The following DNHD1 variants were observed in gnomAD, a reference collection of about 807,000 sequenced individuals.
DNHD1 encodes dynein heavy chain domain 1, also known as dynein heavy chain domain-containing protein 1.
A neutral mutation model predicts 458.1 loss-of-function variants in DNHD1; 383 were observed. The observed-to-expected ratio is 0.84, with a 90% CI of 0.77 to 0.91. The LOEUF is 0.91. Ranked by LOEUF, DNHD1 falls within the 40% of genes least tolerant of loss-of-function variation. DNHD1 has a pLI of 0.00. For missense variants in DNHD1, 5,336 were observed against 5,866.1 expected (o/e 0.91, Z 2.95); for synonymous variants, 2,203 against 2,376.9 (o/e 0.93, Z 2.13).
rs1447831374 is a variant in DNHD1, at chr11:6,563,001, A to G, written c.9539A>G (p.Gln3180Arg). ...CTGCAGAGTCTCAGCATGTTTCAGC[A>G]GCAGCTAGAGCAAAGCAAGCTCCTA... ...DSGKSLSMFQ[Q>R]QLEQSKLLYK... Residue 3180 changes from glutamine (Q) to arginine (R), a missense_variant, in exon 29 of 43, where the codon CAG becomes CGG. By Grantham distance (43) the Gln-to-Arg change is conservative (BLOSUM62 1). Transcript: ENST00000254579. The G allele has an allele frequency of 4.5e-6, 7 of 1,551,588 alleles. No homozygotes were observed. Among genetic ancestry groups the G allele is most frequent in the South Asian group, 1.2e-5 (1 of 84,070 alleles).
chr11:6,570,818 G>T lies in DNHD1; in HGVS notation c.13306G>T (p.Glu4436Ter), dbSNP rs1853828684. ...PESRRGAQLA[E>*]RRLRQRLVQV... ...GTCTCGAAGAGGCGCCCAGCTTGCG[G>T]AAAGGCGACTGCGGCAACGCCTAGT... is the stretch of plus-strand genomic sequence containing the variant. The change falls in exon 42 of 43, where the codon GAA becomes TAA. Residue 4436 changes from glutamate (E) to a stop codon, truncating the protein, a stop_gained. Coordinates refer to ENST00000254579, the MANE Select transcript of DNHD1 (RefSeq NM_144666.3). LOFTEE classifies it high-confidence loss of function. The T allele has an allele frequency of 1.9e-6, 3 of 1,613,872 alleles. No homozygotes were observed. The highest frequency in any genetic ancestry group is 2.5e-6 in the Non-Finnish European group (3 of 1,179,874).
Position 6,505,829 on chromosome 11 carries a change from G to C in DNHD1, c.920+2903G>C, listed in dbSNP as rs1852219997. 6.6e-6 allele frequency among the ~76,000 whole-genome samples: 1 copy of C among 152,220 alleles called. No individual in the cohort carries two copies. Among genetic ancestry groups the C allele is most frequent in the South Asian group, 2.1e-4 (1 of 4,832 alleles). ...TAAATTATCACTTGTGGTTGAATGT[G>C]ATACTGACACCTAGTGGCTGCTACA... On this transcript the variant is annotated intron_variant, in intron 4 of 42. Coordinates refer to ENST00000254579, the MANE Select transcript of DNHD1 (RefSeq NM_144666.3). This position sits in a 1 kb window ranked among gnomAD's most constrained non-coding sequence, Gnocchi z 4.4.
intron 10 of DNHD1, among the ~76,000 whole-genome samples, chr11:6,525,257 A>C (rs937498733): frequency 5.9e-5 from 9 of 152,190 alleles, no homozygotes; most frequent in African/African-American, 2.2e-4. Flanking sequence ...ACTCACTTTT[A>C]CATCTCACCA....
intron 3 of DNHD1, among the ~76,000 whole-genome samples, chr11:6,499,980 T>C (rs1466928494): frequency 1.4e-5 from 2 of 140,594 alleles, no homozygotes; most frequent in Non-Finnish European, 1.6e-5. Flanking sequence ...TTTTTTTTTT[T>C]CTGAAACAGA....
At position 6,528,402 on chromosome 11, in the gene DNHD1, TGG is replaced by T. The variant is rs796435955; in HGVS notation, c.1838-118_1838-117del. 2.2e-4 allele frequency: 254 copies of T among 1,142,654 alleles called. No homozygotes were observed. The African/African-American group carries it at 3.6e-3, about 16-fold the overall frequency. The allele number at this position is 1,142,654 out of a possible 1,614,324, so 70.8% of individuals were successfully genotyped here. A position where few individuals can be genotyped will look rare whatever the true frequency, so the allele number is the denominator to read the frequency against. ...TGTTAACTCACTCATGAGCAGCGAA[TGG>T]GTGTGTGTGTGTGTGTGTGTGTGTG... On this transcript the variant is annotated intron_variant, in intron 10 of 42. Transcript: ENST00000254579.
At chr11:6,524,653 G>A (rs1005843767) in intron 10 of DNHD1, among the ~76,000 whole-genome samples, 9 of 152,150 alleles carry the variant, frequency 5.9e-5, no homozygotes, top group African/African-American at 1.9e-4. Flanking sequence ...AAAATAACTG[G>A]CTTTTAGCTA....
At position 6,571,574 on chromosome 11, in the gene DNHD1, C is replaced by G; in HGVS notation, c.13912-62C>G. ...CCACGACCTCCTACCCGCTAACCCCCACTTCCCACCTGCCACCTCCCAGCT... is the reference window on the plus strand; with the variant it reads ...CCACGACCTCCTACCCGCTAACCCCGACTTCCCACCTGCCACCTCCCAGCT... On this transcript the variant is annotated intron_variant, in intron 42 of 42. Coordinates refer to ENST00000254579, the MANE Select transcript of DNHD1 (RefSeq NM_144666.3). The surrounding 1 kb of genome is among the most constrained non-coding windows in gnomAD (Gnocchi z 5.0). 1.4e-6 allele frequency: 2 copies of G among 1,475,224 alleles called. No homozygotes were observed. The highest frequency in any genetic ancestry group is 2.8e-5 in the South Asian group (2 of 72,488). The allele number at this position is 1,475,224 out of a possible 1,614,324, so 91.4% of individuals were successfully genotyped here.
rs1853035791 is a variant in DNHD1, at chr11:6,539,202, G to T, written c.3326-17G>T. 3 of 1,532,824 alleles carry T rather than the reference G, an allele frequency of 2.0e-6. No homozygotes were observed. Among genetic ancestry groups the T allele is most frequent in the Non-Finnish European group, 2.7e-6 (3 of 1,130,182 alleles). 95.0% of individuals were successfully genotyped at this position (1,532,824 alleles called of 1,614,324 possible). Reference sequence around the variant, plus strand: ...CACATACTGGGTGTTGCTCTGACTTGTTTTCTCTACCTCCAGCCCTTGGGC... The same window carrying T: ...CACATACTGGGTGTTGCTCTGACTTTTTTTCTCTACCTCCAGCCCTTGGGC... On this transcript the variant is annotated splice_polypyrimidine_tract_variant and intron_variant, in intron 16 of 42. Coordinates refer to ENST00000254579, the MANE Select transcript of DNHD1 (RefSeq NM_144666.3).
chr11:6,567,447 G>T lies in DNHD1; in HGVS notation c.11938G>T (p.Ala3980Ser). ...SKPVSDVARP[A>S]WLGPKAWHEC... The stretch of plus-strand genomic sequence containing the variant: ...GCCAGTCTCAGATGTGGCTCGACCG[G>T]CCTGGCTTGGGCCAAAAGCCTGGCA... The change falls in exon 36 of 43, where the codon GCC (alanine) becomes TCC (serine). Residue 3980 changes from alanine to serine, a missense_variant. Physicochemically the swap from Ala to Ser is moderately conservative, Grantham distance 99 (BLOSUM62 1). Around this residue, in one of 4 missense-constraint regions of DNHD1, gnomAD observed 695 missense variants for 804.2 expected, o/e 0.86. Transcript: ENST00000254579. The T allele has an allele frequency of 1.2e-6, 2 of 1,612,158 alleles. No homozygotes were observed. The highest frequency in any genetic ancestry group is 8.5e-7 in the Non-Finnish European group (1 of 1,179,120).
rs376758828 is a variant in DNHD1 at position 6,571,671 on chromosome 11, A to T, written c.13947A>T (p.Arg4649Ser). ...GTCCAAATCCCACGGTTCCAGAGAG[A>T]GGGCTGCTGCTGATCGGGCTACAGG... Reference protein sequence around the residue: ...ENGPNPTVPERGLLLIGLQVL... With the variant: ...ENGPNPTVPESGLLLIGLQVL... The change falls in exon 43 of 43, where the codon AGA (arginine) becomes AGT (serine). Residue 4649 changes from arginine (R) to serine (S), a missense_variant. Physicochemically the swap from Arg to Ser is moderately radical, Grantham distance 110. Coordinates refer to ENST00000254579, the MANE Select transcript of DNHD1 (RefSeq NM_144666.3). This position sits in a 1 kb window ranked among gnomAD's most constrained non-coding sequence, Gnocchi z 5.0. 426 of 1,606,662 alleles carry T rather than the reference A, an allele frequency of 2.7e-4. No individual in the cohort carries two copies. Among genetic ancestry groups the T allele is most frequent in the Non-Finnish European group, 3.6e-4 (420 of 1,176,288 alleles).
intron 36 of DNHD1, 91 bp from the exon 37 acceptor site, chr11:6,567,964 GA>G: frequency 6.7e-7 from 1 of 1,482,842 alleles, no homozygotes; most frequent in South Asian, 1.4e-5. Context: ...ACTACGTAGG[GA>G]CTTTGGGGAT....
chr11:6,556,577 T>G (rs1853463670), intron 24 of DNHD1, 106 bp from the exon 25 acceptor site: 1 of 1,148,144 alleles, frequency 8.7e-7, no homozygotes, highest in African/African-American at 1.6e-5. Flanking sequence ...ACACGTCAGA[T>G]TCACAAAATT....
intron 18 of DNHD1, 88 bp from the exon 19 acceptor site, chr11:6,544,033 T>A: frequency 1.8e-6 from 2 of 1,103,024 alleles, no homozygotes; most frequent in Non-Finnish European, 1.3e-6. Flanking sequence ...TAACTGCCTC[T>A]CCTGGAAGGT....
At position 6,557,888 on chromosome 11, in the gene DNHD1, T is replaced by A; in HGVS notation, c.8593T>A (p.Cys2865Ser). 1.3e-6 allele frequency: 2 copies of A among 1,550,980 alleles called. No homozygotes were observed. Among genetic ancestry groups the A allele is most frequent in the South Asian group, 2.4e-5 (2 of 84,038 alleles). The stretch of plus-strand genomic sequence containing the variant: ...GAAGTTGAGCCCCCACCTGGCCCGG[T>A]GTCATTCCATGGCCCAGCACGTGGC... ...QLKLSPHLAR[C>S]HSMAQHVARL... Residue 2865 changes from cysteine to serine, a missense_variant, in exon 25 of 43, where the codon TGT becomes AGT. Around this residue, in one of 4 missense-constraint regions of DNHD1, gnomAD observed 3,932 missense variants for 4,365.6 expected, o/e 0.90. Coordinates refer to ENST00000254579, the MANE Select transcript of DNHD1 (RefSeq NM_144666.3).
In DNHD1 at chr11:6,538,440, A is replaced by G. The variant is rs1853013507; in HGVS notation, c.3056A>G (p.Gln1019Arg). The G allele has an allele frequency of 1.3e-6, 2 of 1,551,780 alleles. No individual in the cohort carries two copies. Among genetic ancestry groups the G allele is most frequent in the Non-Finnish European group, 1.7e-6 (2 of 1,147,010 alleles). The change falls in exon 15 of 43, where the codon CAG (glutamine) becomes CGG (arginine). Residue 1019 changes from glutamine (Q) to arginine (R), a missense_variant. This residue lies in a region of DNHD1 where 3,932 missense variants were observed against 4,365.6 expected (regional missense o/e 0.90). Coordinates refer to ENST00000254579, the MANE Select transcript of DNHD1 (RefSeq NM_144666.3). ...GGGACACGTCCTATTGTGCAGCAGC[A>G]GCGCATATGGCACCTGTACCGAGTC... is the stretch of plus-strand genomic sequence containing the variant. Reference protein sequence around the residue: ...ICGTRPIVQQQRIWHLYRVIS... With the variant: ...ICGTRPIVQQRRIWHLYRVIS...
chr11:6,568,929 A>AT, intron 39 of DNHD1, 63 bp downstream of exon 39: 1 of 1,487,096 alleles, frequency 6.7e-7, no homozygotes, highest in East Asian at 2.4e-5. Context: ...TATCTTCCAT[A>AT]TGCTGGGATG....
At chr11:6,537,020 G>C (rs765308170) in intron 14 of DNHD1, among the ~76,000 whole-genome samples, 3 of 152,216 alleles carry the variant, frequency 2.0e-5, no homozygotes, top group Non-Finnish European at 4.4e-5. Context: ...ATGTGCACAT[G>C]TGTAAGATGC....
At chr11:6,516,460 G>A (rs979335171) in intron 7 of DNHD1, among the ~76,000 whole-genome samples, 1 of 151,412 alleles carries the variant, frequency 6.6e-6, no homozygotes, top group Non-Finnish European at 1.5e-5. Context: ...ACCACGCCTG[G>A]CTAATTTTTG....
intron 3 of DNHD1, among the ~76,000 whole-genome samples, chr11:6,500,092 G>A (rs1852105056): frequency 6.6e-6 from 1 of 151,924 alleles, no homozygotes; most frequent in Non-Finnish European, 1.5e-5. Context: ...AGCCTCCCGA[G>A]TAGCTGGGAT....
Sources: allele counts gnomAD v4.1 joint callset (sites outside exome capture counted in the v4.1 genomes callset), GRCh38; gene constraint gnomAD v4.1.1; regional missense constraint gnomAD v4.1.1; non-coding constraint Gnocchi (gnomAD v3.1); transcripts MANE v1.5; gene names NCBI Gene and HGNC (gene_info 2026-07-23, HGNC 2026-07-21).